PTPRN2: variants seen among roughly 807,000 people sequenced by gnomAD.
The protein encoded by PTPRN2 is receptor-type tyrosine-protein phosphatase N2.
PTPRN2 carries 74 observed loss-of-function variants against 118.8 expected under a neutral mutation model. The observed-to-expected ratio is 0.62, with a 90% CI of 0.52 to 0.76. PTPRN2 has a LOEUF of 0.76. PTPRN2 is among the 30% of genes least tolerant of loss of function. PTPRN2 has a pLI of 0.00. For synonymous variants in PTPRN2, 641 were observed against 608.0 expected, an observed-to-expected ratio of 1.05 and a Z score of -0.80; for missense variants, 1,481 against 1,394.4, an observed-to-expected ratio of 1.06 and a Z score of -0.99.
intron 11 of PTPRN2, among the ~76,000 whole-genome samples, chr7:157,916,188 C>T (rs191933355): frequency 2.4e-4 from 37 of 152,336 alleles, no homozygotes; most frequent in Non-Finnish European, 4.6e-4. Flanking sequence ...TGCGTGTGGA[C>T]GCTGGTCTCT....
At chr7:158,105,366 A>T (rs976947876) in intron 10 of PTPRN2, among the ~76,000 whole-genome samples, 1 of 148,950 alleles carries the variant, frequency 6.7e-6, no homozygotes, top group African/African-American at 2.5e-5. Context: ...TCCGAGCTCC[A>T]TCCTCATCCT....
At chr7:158,045,781 T>C (rs1045841465) in intron 11 of PTPRN2, among the ~76,000 whole-genome samples, 3 of 149,600 alleles carry the variant, frequency 2.0e-5, no homozygotes, top group African/African-American at 7.4e-5. Flanking sequence ...TGCCTCGTTC[T>C]GTCCAGGAGC....
At chr7:158,129,525 TACA>T (rs1171473843) in intron 9 of PTPRN2, among the ~76,000 whole-genome samples, 1 of 141,076 alleles carries the variant, frequency 7.1e-6, no homozygotes, top group East Asian at 2.1e-4. Context: ...ACACCACACA[TACA>T]ACACACACTA....
intron 11 of PTPRN2, among the ~76,000 whole-genome samples, chr7:157,915,988 T>C (rs1396769885): frequency 6.6e-6 from 1 of 152,218 alleles, no homozygotes; most frequent in East Asian, 1.9e-4. Flanking sequence ...TCATTTTAAT[T>C]CAGGTTTGGG....
At chr7:158,116,187 A>G (rs543483724) in intron 9 of PTPRN2, among the ~76,000 whole-genome samples, 66 of 152,336 alleles carry the variant, frequency 4.3e-4, no homozygotes, top group South Asian at 3.1e-3. Flanking sequence ...AAACAGCAAA[A>G]AATCCAACAT....
At chr7:158,564,482 GC>G (rs1827559194) in intron 1 of PTPRN2, among the ~76,000 whole-genome samples, 1 of 152,238 alleles carries the variant, frequency 6.6e-6, no homozygotes, top group African/African-American at 2.4e-5. Flanking sequence ...CACCAGCAAG[GC>G]CAGCTGTGCG....
chr7:157,945,373 C>T (rs572710350), intron 11 of PTPRN2, among the ~76,000 whole-genome samples: 163 of 152,266 alleles, frequency 1.1e-3, no homozygotes, highest in African/African-American at 3.6e-3. Context: ...CCCGAAGACC[C>T]CCCGCCTGCC....
chr7:158,310,355 G>A (rs535287526), intron 3 of PTPRN2, among the ~76,000 whole-genome samples: 7 of 152,358 alleles, frequency 4.6e-5, no homozygotes, highest in African/African-American at 1.4e-4. Flanking sequence ...ATGGAATGCT[G>A]GGAGGATGCA....
intron 3 of PTPRN2, among the ~76,000 whole-genome samples, chr7:158,235,924 C>A (rs186119367): frequency 0.053 from 7,966 of 151,634 alleles, 526 homozygotes; most frequent in East Asian, 0.17. Flanking sequence ...TCGGCACCTC[C>A]ACAACAAGCA....
In PTPRN2 at chr7:158,570,151, C is replaced by T. The variant is rs1237484875; in HGVS notation, c.112+17407G>A. Among the ~76,000 whole-genome samples, 1 of 152,170 alleles carries T rather than the reference C, an allele frequency of 6.6e-6. No individual in the cohort carries two copies. The highest frequency in any genetic ancestry group is 2.4e-5 in the African/African-American group (1 of 41,454). On this transcript the variant is annotated intron_variant, in intron 1 of 22. Coordinates refer to ENST00000389418, the MANE Select transcript of PTPRN2 (RefSeq NM_002847.5). The surrounding 1 kb of genome is among the most constrained non-coding windows in gnomAD (Gnocchi z 4.5). Reference sequence around the variant, plus strand: ...GGCTCTCCGCGGAGCCGTCTCCAACCCCTGCAGGCCGACCTGGGCAGCCAG... The same window carrying T: ...GGCTCTCCGCGGAGCCGTCTCCAACTCCTGCAGGCCGACCTGGGCAGCCAG...
In PTPRN2 at chr7:157,764,655, A is replaced by G. The variant is rs1802339755; in HGVS notation, c.1789-81718T>C. Among the ~76,000 whole-genome samples, 1 of 152,216 alleles carries G rather than the reference A, an allele frequency of 6.6e-6. No homozygotes were observed. Among genetic ancestry groups the G allele is most frequent in the Non-Finnish European group, 1.5e-5 (1 of 68,034 alleles). On this transcript the variant is annotated intron_variant, in intron 12 of 22. Transcript: ENST00000389418. The surrounding 1 kb of genome is among the most constrained non-coding windows in gnomAD (Gnocchi z 4.5). The stretch of plus-strand genomic sequence containing the variant: ...AGAAGCAGATAGTGATGATGGTTGC[A>G]CAGTATTTTGAATGTAAATACTACC...
intron 11 of PTPRN2, among the ~76,000 whole-genome samples, chr7:158,005,450 A>T (rs575423074): frequency 4.6e-5 from 7 of 151,274 alleles, no homozygotes; most frequent in South Asian, 4.2e-4. Context: ...TGATTTCTTT[A>T]AAAAAAAATG....
In PTPRN2 at chr7:157,615,194, A is replaced by G. The variant is rs1585114532; in HGVS notation, c.2344+6168T>C. 6.6e-6 allele frequency among the ~76,000 whole-genome samples: 1 copy of G among 152,110 alleles called. No individual in the cohort carries two copies. Among genetic ancestry groups the G allele is most frequent in the Non-Finnish European group, 1.5e-5 (1 of 68,002 alleles). ...GTGGGTGTGCAGGCGATGCCACGCT[A>G]CCCCTTCCACTTGAGTGTTTAAAAC... On this transcript the variant is annotated intron_variant, in intron 15 of 22. Transcript: ENST00000389418. The surrounding 1 kb of genome is among the most constrained non-coding windows in gnomAD (Gnocchi z 4.3).
At chr7:158,103,229 C>A (rs570080967) in intron 10 of PTPRN2, among the ~76,000 whole-genome samples, 1 of 152,094 alleles carries the variant, frequency 6.6e-6, no homozygotes, top group African/African-American at 2.4e-5. Context: ...TAAAACTAGG[C>A]GCCTTCCTGG....
chr7:158,093,410 G>A lies in PTPRN2; in HGVS notation c.1644-12033C>T, dbSNP rs115782456. On this transcript the variant is annotated intron_variant, in intron 10 of 22. Coordinates refer to ENST00000389418, the MANE Select transcript of PTPRN2 (RefSeq NM_002847.5). This position sits in a 1 kb window ranked among gnomAD's most constrained non-coding sequence, Gnocchi z 4.4. ...ACCACTGTCCTTTCCTGACTCTGTCGCTGGACCGACCCCCACACTGTTTGT... is the reference window on the plus strand; with the variant it reads ...ACCACTGTCCTTTCCTGACTCTGTCACTGGACCGACCCCCACACTGTTTGT... Among the ~76,000 whole-genome samples the A allele has an allele frequency of 6.8e-3, 1,034 of 151,946 alleles. 21 individuals are homozygous for A. Among genetic ancestry groups the A allele is most frequent in the African/African-American group, 0.023 (969 of 41,320 alleles).
chr7:158,057,932 C>T (rs1809922676), intron 11 of PTPRN2, among the ~76,000 whole-genome samples: 1 of 152,210 alleles, frequency 6.6e-6, no homozygotes, highest in South Asian at 2.1e-4. Flanking sequence ...TCCTTGTTTC[C>T]TGCTAATCTG....
rs1277320245 is a variant in PTPRN2 at position 157,944,052 on chromosome 7, T to C, written c.1724-45315A>G. Among the ~76,000 whole-genome samples, 1 of 152,246 alleles carries C rather than the reference T, an allele frequency of 6.6e-6. No homozygotes were observed. The highest frequency in any genetic ancestry group is 1.5e-5 in the Non-Finnish European group (1 of 68,048). ...TAAACCAATGTTTCTAAGGGAGCAC[T>C]GGGCTTCATTTGACATTTCCAGTAA... On this transcript the variant is annotated intron_variant, in intron 11 of 22. Coordinates refer to ENST00000389418, the MANE Select transcript of PTPRN2 (RefSeq NM_002847.5). This position sits in a 1 kb window ranked among gnomAD's most constrained non-coding sequence, Gnocchi z 4.3.
At chr7:158,372,105 G>C (rs1160886355) in intron 2 of PTPRN2, among the ~76,000 whole-genome samples, 3 of 152,198 alleles carry the variant, frequency 2.0e-5, no homozygotes, top group Non-Finnish European at 4.4e-5. Flanking sequence ...CAGGCACAGA[G>C]GGAGGCTTGC....
chr7:157,603,807 A>G lies in PTPRN2; in HGVS notation c.2418+195T>C, dbSNP rs941414985. 6.6e-6 allele frequency among the ~76,000 whole-genome samples: 1 copy of G among 152,146 alleles called. No individual in the cohort carries two copies. Among genetic ancestry groups the G allele is most frequent in the Admixed American group, 6.5e-5 (1 of 15,296 alleles). On this transcript the variant is annotated intron_variant, in intron 16 of 22. Transcript: ENST00000389418. This position sits in a 1 kb window ranked among gnomAD's most constrained non-coding sequence, Gnocchi z 5.4. Reference sequence around the variant, plus strand: ...CCGCCCAGCGTGAGCCGGGACCCACACGGCTCATAAACAGCCCCGCTGGTG... The same window carrying G: ...CCGCCCAGCGTGAGCCGGGACCCACGCGGCTCATAAACAGCCCCGCTGGTG...
Sources: allele counts gnomAD v4.1 joint callset (sites outside exome capture counted in the v4.1 genomes callset), GRCh38; gene constraint gnomAD v4.1.1; non-coding constraint Gnocchi (gnomAD v3.1); transcripts MANE v1.5; gene names NCBI Gene and HGNC (gene_info 2026-07-23, HGNC 2026-07-21).